The following PTPRD variants were observed in gnomAD, a reference collection of about 807,000 sequenced individuals.
The protein encoded by PTPRD is protein tyrosine phosphatase receptor type D.
Under a neutral mutation model 214.5 loss-of-function variants are expected in PTPRD, and 34 were observed. The observed-to-expected ratio is 0.16, with a 90% CI of 0.12 to 0.21. The LOEUF (loss-of-function observed/expected upper bound fraction) is 0.21, where lower values mean the gene tolerates loss of function less well. Among genes scored for constraint, PTPRD ranks in the 10% least tolerant of loss-of-function variants. The pLI is 1.00. For missense variants in PTPRD, 2,545 were observed against 2,398.7 expected (o/e 1.06, Z -1.27); for synonymous variants, 1,128 against 845.7 (o/e 1.33, Z -5.79).
intron 3 of PTPRD, among the ~76,000 whole-genome samples, chr9:10,277,929 C>A (rs573495003): frequency 6.6e-6 from 1 of 151,990 alleles, no homozygotes; most frequent in Non-Finnish European, 1.5e-5. Context: ...GAGGGTGAGG[C>A]GGGCGGATCA....
intron 7 of PTPRD, among the ~76,000 whole-genome samples, chr9:9,603,793 T>A (rs2093953356): frequency 6.6e-6 from 1 of 152,098 alleles, no homozygotes. Context: ...TGCTATAAAG[T>A]ATATAGAAAT....
chr9:10,493,603 G>T lies in PTPRD; in HGVS notation c.-600+118795C>A, dbSNP rs909639755. ...CACCTTATACAAAAATTAATACAGGGTTTCTTTTAATAACACTTGGTCAAT... is the reference window on the plus strand; with the variant it reads ...CACCTTATACAAAAATTAATACAGGTTTTCTTTTAATAACACTTGGTCAAT... On this transcript the variant is annotated intron_variant, in intron 2 of 45. Transcript: ENST00000381196. 2.0e-5 allele frequency among the ~76,000 whole-genome samples: 3 copies of T among 151,864 alleles called. No homozygotes were observed. The East Asian group carries it at 5.8e-4, about 29-fold the overall frequency.
chr9:8,785,723 T>C (rs1029990959), intron 11 of PTPRD, among the ~76,000 whole-genome samples: 7 of 152,204 alleles, frequency 4.6e-5, no homozygotes, highest in South Asian at 2.1e-4. Context: ...ATGCTGGCCA[T>C]TGAGTAAAAA....
intron 39 of PTPRD, among the ~76,000 whole-genome samples, chr9:8,373,645 G>A (rs1250121805): frequency 1.3e-5 from 1 of 79,228 alleles, no homozygotes; most frequent in Non-Finnish European, 3.4e-5. Context: ...GTGTGTGTGT[G>A]TGTGTGTGTG....
chr9:10,365,161 C>T (rs770537908), intron 2 of PTPRD, among the ~76,000 whole-genome samples: 2 of 152,134 alleles, frequency 1.3e-5, no homozygotes, highest in Non-Finnish European at 2.9e-5. Flanking sequence ...TTTCTCATGG[C>T]TCCCAGTTCT....
chr9:9,268,916 A>T (rs1339999534), intron 9 of PTPRD, among the ~76,000 whole-genome samples: 1 of 151,098 alleles, frequency 6.6e-6, no homozygotes, highest in Non-Finnish European at 1.5e-5. Flanking sequence ...AGAAGAAAAC[A>T]TAGAAGAAAA....
At chr9:9,240,174 C>T (rs1030155458) in intron 9 of PTPRD, among the ~76,000 whole-genome samples, 4 of 115,400 alleles carry the variant, frequency 3.5e-5, no homozygotes, top group African/African-American at 1.3e-4. Context: ...AAGATATCTA[C>T]TTAAAAATAG....
chr9:9,061,595 G>A (rs1026281266), intron 10 of PTPRD, among the ~76,000 whole-genome samples: 3 of 152,064 alleles, frequency 2.0e-5, no homozygotes, highest in Non-Finnish European at 4.4e-5. Context: ...TGGCCAGTTT[G>A]ACTACCCCTA....
intron 11 of PTPRD, among the ~76,000 whole-genome samples, chr9:8,992,822 A>G (rs1423689731): frequency 6.6e-6 from 1 of 152,152 alleles, no homozygotes; most frequent in Non-Finnish European, 1.5e-5. Context: ...AAGTGCAAGG[A>G]GCAGTTAGAG....
intron 11 of PTPRD, among the ~76,000 whole-genome samples, chr9:8,948,521 A>ATATATATATT (rs1567184049): frequency 5.8e-5 from 3 of 51,764 alleles, no homozygotes; most frequent in East Asian, 4.2e-4. Flanking sequence ...ATATATATTT[A>ATATATATATT]TATATATATT....
intron 11 of PTPRD, among the ~76,000 whole-genome samples, chr9:8,940,491 C>T (rs1242061414): frequency 2.4e-5 from 3 of 126,680 alleles, no homozygotes; most frequent in Non-Finnish European, 3.2e-5. Context: ...CAGGGTTTCA[C>T]CATGTTGGCC....
intron 9 of PTPRD, among the ~76,000 whole-genome samples, chr9:9,222,492 A>G (rs905604299): frequency 1.6e-4 from 24 of 152,048 alleles, no homozygotes. Flanking sequence ...AATGTCAAAA[A>G]TGTAGAGTTA....
chr9:8,351,179 T>A (rs1025663378), intron 39 of PTPRD, among the ~76,000 whole-genome samples: 1 of 152,158 alleles, frequency 6.6e-6, no homozygotes, highest in African/African-American at 2.4e-5. Context: ...AAATAGCATC[T>A]AAGACATTGT....
intron 2 of PTPRD, among the ~76,000 whole-genome samples, chr9:10,348,973 C>A (rs2097136585): frequency 6.6e-6 from 1 of 152,084 alleles, no homozygotes; most frequent in Non-Finnish European, 1.5e-5. Flanking sequence ...ATTGATCAAC[C>A]TATCAATTAT....
intron 8 of PTPRD, among the ~76,000 whole-genome samples, chr9:9,565,237 T>C (rs1204853435): frequency 6.6e-6 from 1 of 151,950 alleles, no homozygotes; most frequent in Non-Finnish European, 1.5e-5. Flanking sequence ...CAAACCTTTT[T>C]AAGCTCACTA....
At chr9:10,174,375 G>T (rs1380424627) in intron 3 of PTPRD, among the ~76,000 whole-genome samples, 1 of 152,066 alleles carries the variant, frequency 6.6e-6, no homozygotes, top group East Asian at 1.9e-4. Flanking sequence ...CTCACCAAGT[G>T]ACCTCTGCAC....
chr9:8,323,879 G>T (rs1830874064), intron 44 of PTPRD, among the ~76,000 whole-genome samples: 1 of 152,170 alleles, frequency 6.6e-6, no homozygotes, highest in South Asian at 2.1e-4. Flanking sequence ...TGAGTAAAAT[G>T]CTATCAAACA....
intron 7 of PTPRD, among the ~76,000 whole-genome samples, chr9:9,629,442 T>A (rs2095522592): frequency 6.6e-6 from 1 of 152,130 alleles, no homozygotes; most frequent in African/African-American, 2.4e-5. Flanking sequence ...GCCAGAAAAC[T>A]GTCTTTGAAT....
intron 5 of PTPRD, among the ~76,000 whole-genome samples, chr9:9,824,511 T>C (rs2051985705): frequency 6.6e-6 from 1 of 151,904 alleles, no homozygotes; most frequent in South Asian, 2.1e-4. Context: ...ATATATAAAG[T>C]TTTACTGTTA....
Sources: gnomAD v4.1 joint callset for allele counts (sites outside exome capture counted in the v4.1 genomes callset) on GRCh38, gnomAD v4.1.1 for gene constraint, MANE v1.5 for transcripts, NCBI Gene and HGNC (gene_info 2026-07-23, HGNC 2026-07-21) for gene names.